The following NKAIN2 variants were observed in gnomAD, a reference collection of about 807,000 sequenced individuals.
NKAIN2 encodes the protein sodium/potassium-transporting ATPase subunit beta-1-interacting protein 2.
Under a neutral mutation model 32.6 loss-of-function variants are expected in NKAIN2, and 14 were observed. That is an observed-to-expected ratio of 0.43 (90% CI 0.28 to 0.67). The LOEUF (loss-of-function observed/expected upper bound fraction) is 0.67, where lower values mean the gene tolerates loss of function less well. Ranked by LOEUF, NKAIN2 falls within the 30% of genes least tolerant of loss-of-function variation. The pLI, the probability that NKAIN2 is intolerant of heterozygous loss-of-function variation, is 0.17. For missense variants in NKAIN2, 198 were observed against 258.3 expected (o/e 0.77, Z 1.60); for synonymous variants, 80 against 87.2 (o/e 0.92, Z 0.46).
At chr6:124,086,769 TC>T (rs1276026044) in intron 1 of NKAIN2, among the ~76,000 whole-genome samples, 4 of 151,836 alleles carry the variant, frequency 2.6e-5, no homozygotes, top group African/African-American at 9.7e-5. Flanking sequence ...TGAAAAATAG[TC>T]TTATATTAAT....
intron 4 of NKAIN2, among the ~76,000 whole-genome samples, chr6:124,662,352 G>A (rs1784778390): frequency 6.6e-6 from 1 of 152,090 alleles, no homozygotes; most frequent in Non-Finnish European, 1.5e-5. Flanking sequence ...AGCCATTAGT[G>A]TTGACTTAGA....
intron 1 of NKAIN2, among the ~76,000 whole-genome samples, chr6:124,100,167 G>A (rs1784815217): frequency 6.6e-6 from 1 of 152,136 alleles, no homozygotes; most frequent in Non-Finnish European, 1.5e-5. Context: ...TTTCTTATAA[G>A]ATTTCCTGAT....
At chr6:124,200,070 T>C (rs9491085) in intron 1 of NKAIN2, among the ~76,000 whole-genome samples, 106,534 of 151,984 alleles carry the variant, frequency 0.7, 37,534 homozygotes, top group South Asian at 0.75. Flanking sequence ...TTGTTCTCCA[T>C]GAACCCAGAT....
intron 1 of NKAIN2, among the ~76,000 whole-genome samples, chr6:123,816,301 A>G (rs1773691579): frequency 6.6e-6 from 1 of 152,062 alleles, no homozygotes; most frequent in Non-Finnish European, 1.5e-5. Context: ...ATAGAATAGG[A>G]TATAGGTCTA....
At chr6:124,006,108 C>A (rs577020360) in intron 1 of NKAIN2, among the ~76,000 whole-genome samples, 26 of 152,242 alleles carry the variant, frequency 1.7e-4, no homozygotes, top group Middle Eastern at 3.4e-3. Context: ...AAAAGCCTCA[C>A]CGTGTTTGAG....
intron 3 of NKAIN2, among the ~76,000 whole-genome samples, chr6:124,493,195 G>T (rs553794199): frequency 1.2e-4 from 18 of 151,816 alleles, no homozygotes; most frequent in Middle Eastern, 3.4e-3. Flanking sequence ...ATTACATTGG[G>T]GCTTTATTAA....
intron 3 of NKAIN2, among the ~76,000 whole-genome samples, chr6:124,599,527 G>A (rs968626267): frequency 2.6e-5 from 4 of 152,206 alleles, no homozygotes; most frequent in South Asian, 2.1e-4. Flanking sequence ...TTTAATCTGC[G>A]TGTGAGGGCA....
At chr6:124,738,639 A>G (rs1538197) in intron 4 of NKAIN2, among the ~76,000 whole-genome samples, 74,274 of 151,642 alleles carry the variant, frequency 0.49, 18,531 homozygotes, top group African/African-American at 0.56. Flanking sequence ...TTACTTATGC[A>G]TCATGAACCT....
rs775127653 is a variant in NKAIN2, at chr6:124,624,557, A to C, written c.274-33629A>C. ...AGTGAAAGTATGTGAATTTAACAAA[A>C]GATATCATAGATAAACATTTATTTT... On this transcript the variant is annotated intron_variant, in intron 3 of 6. Coordinates refer to ENST00000368417, the MANE Select transcript of NKAIN2 (RefSeq NM_001040214.3). Among the ~76,000 whole-genome samples, 6 of 152,346 alleles carry C rather than the reference A, an allele frequency of 3.9e-5. No individual in the cohort carries two copies. The East Asian group carries it at 1.2e-3, about 29-fold the overall frequency.
At chr6:124,384,680 G>A (rs542272087) in intron 3 of NKAIN2, among the ~76,000 whole-genome samples, 7 of 145,186 alleles carry the variant, frequency 4.8e-5, no homozygotes, top group Admixed American at 4.7e-4. Flanking sequence ...GAGTGCAGTG[G>A]CATGATTATG....
chr6:124,777,948 C>CAG (rs1779052783), intron 4 of NKAIN2, among the ~76,000 whole-genome samples: 1 of 29,746 alleles, frequency 3.4e-5, no homozygotes, highest in South Asian at 1.2e-3. Context: ...AAATCACATT[C>CAG]ACACACACAC....
At chr6:124,814,807 C>T (rs1781072117) in intron 5 of NKAIN2, among the ~76,000 whole-genome samples, 1 of 152,144 alleles carries the variant, frequency 6.6e-6, no homozygotes, top group African/African-American at 2.4e-5. Context: ...TCACATTATC[C>T]CTTGGTTCAC....
At chr6:124,087,960 T>C (rs1394406168) in intron 1 of NKAIN2, among the ~76,000 whole-genome samples, 1 of 151,994 alleles carries the variant, frequency 6.6e-6, no homozygotes, top group African/African-American at 2.4e-5. Context: ...AATGTGTAGC[T>C]TAAGGATTTA....
chr6:123,852,789 C>A (rs1432386645), intron 1 of NKAIN2, among the ~76,000 whole-genome samples: 3 of 152,120 alleles, frequency 2.0e-5, no homozygotes, highest in Non-Finnish European at 4.4e-5. Flanking sequence ...ATGTGGAAAT[C>A]AAATTCTTCT....
intron 1 of NKAIN2, among the ~76,000 whole-genome samples, chr6:123,939,499 A>T (rs954803404): frequency 2.6e-5 from 4 of 151,984 alleles, no homozygotes; most frequent in African/African-American, 9.7e-5. Flanking sequence ...GTAAAATGTG[A>T]CTCATGGATA....
intron 1 of NKAIN2, among the ~76,000 whole-genome samples, chr6:124,210,958 C>T (rs1353486399): frequency 6.7e-6 from 1 of 150,288 alleles, no homozygotes; most frequent in Non-Finnish European, 1.5e-5. Flanking sequence ...ATTGCCCTGG[C>T]AAGGATATCC....
At chr6:123,937,765 G>T (rs551246157) in intron 1 of NKAIN2, among the ~76,000 whole-genome samples, 3 of 152,022 alleles carry the variant, frequency 2.0e-5, no homozygotes, top group Non-Finnish European at 4.4e-5. Context: ...TTTGTTTGGG[G>T]TATCAATGTG....
intron 4 of NKAIN2, among the ~76,000 whole-genome samples, chr6:124,710,002 A>G (rs144875890): frequency 0.36 from 54,568 of 151,722 alleles, 9,861 homozygotes; most frequent in Non-Finnish European, 0.37. Context: ...ACTGCTTCAA[A>G]TGTGTCCCAG....
chr6:124,421,105 C>T (rs1774731226), intron 3 of NKAIN2, among the ~76,000 whole-genome samples: 1 of 147,450 alleles, frequency 6.8e-6, no homozygotes, highest in Admixed American at 6.8e-5. Flanking sequence ...CATGTTTTCT[C>T]TCAGTTGGAC....
Sources: allele counts gnomAD v4.1 joint callset (sites outside exome capture counted in the v4.1 genomes callset), GRCh38; gene constraint gnomAD v4.1.1; transcripts MANE v1.5; gene names NCBI Gene and HGNC (gene_info 2026-07-23, HGNC 2026-07-21).